The following GPAM variants were observed in gnomAD, a reference collection of about 807,000 sequenced individuals.
GPAM encodes glycerol-3-phosphate acyltransferase, mitochondrial.
GPAM carries 56 observed loss-of-function variants against 105.0 expected under a neutral mutation model. That is an observed-to-expected ratio of 0.53 (90% CI 0.43 to 0.67). The LOEUF is 0.67. Among genes scored for constraint, GPAM ranks in the 30% least tolerant of loss-of-function variants. The probability of loss-of-function intolerance (pLI) is 0.00; values close to 1 mark genes in which losing one functional copy is unlikely to be tolerated. For synonymous variants in GPAM, 368 were observed against 354.4 expected, an observed-to-expected ratio of 1.04 and a Z score of -0.43; for missense variants, 855 against 989.8, an observed-to-expected ratio of 0.86 and a Z score of 1.83.
chr10:112,166,729 T>A (rs942273875), intron 11 of GPAM, among the ~76,000 whole-genome samples: 1 of 152,220 alleles, frequency 6.6e-6, no homozygotes, highest in Non-Finnish European at 1.5e-5. Context: ...GAGATGGAAT[T>A]CAGTCAATGA....
intron 15 of GPAM, among the ~76,000 whole-genome samples, chr10:112,161,388 A>C (rs1349129864): frequency 6.6e-6 from 1 of 152,204 alleles, no homozygotes; most frequent in African/African-American, 2.4e-5. Flanking sequence ...AATATATACC[A>C]CATGTTAATG....
chr10:112,157,105 A>T, intron 19 of GPAM, 144 bp downstream of exon 19: 2 of 781,640 alleles, frequency 2.6e-6, no homozygotes, highest in Admixed American at 1.9e-5. Context: ...AAACAGTTTG[A>T]GTGTCTTTAC....
At position 112,164,526 on chromosome 10, in the gene GPAM, T is replaced by G; in HGVS notation, c.1306A>C (p.Arg436=). 1 of 1,519,094 alleles carries G rather than the reference T, an allele frequency of 6.6e-7. No individual in the cohort carries two copies. Among genetic ancestry groups the G allele is most frequent in the African/African-American group, 1.4e-5 (1 of 73,168 alleles). 94.1% of individuals were successfully genotyped at this position (1,519,094 alleles called of 1,614,324 possible). A position where few individuals can be genotyped will look rare whatever the true frequency, so the allele number is the denominator to read the frequency against. Residue 436 remains arginine, a splice_region_variant and synonymous_variant, in exon 13 of 22, where the codon AGA becomes CGA. Coordinates refer to ENST00000348367, the MANE Select transcript of GPAM (RefSeq NM_001244949.2). ...ATTAAACAATTCTACAAATTTTACC[T>G]TGAAGGAAGTATAGCTGGTAACAAC... The part of the protein sequence containing the change: ...QALLPAILPS[R]PSDAADEGRD...
In GPAM at chr10:112,155,848, T is replaced by C. The variant is rs1401104311; in HGVS notation, c.2311+16A>G. 7.2e-7 allele frequency: 1 copy of C among 1,387,532 alleles called. No homozygotes were observed. The highest frequency in any genetic ancestry group is 2.3e-5 in the East Asian group (1 of 43,478). The allele number at this position is 1,387,532 out of a possible 1,614,324, so 86.0% of individuals were successfully genotyped here. A position where few individuals can be genotyped will look rare whatever the true frequency, so the allele number is the denominator to read the frequency against. ...AAAAAAAAGATTTTAAAAGAATAAA[T>C]AGTGACTTAACATACCATATACTGC... On this transcript the variant is annotated intron_variant, in intron 20 of 21. Coordinates refer to ENST00000348367, the MANE Select transcript of GPAM (RefSeq NM_001244949.2).
At chr10:112,186,816 G>T (rs1204005544), upstream of GPAM, among the ~76,000 whole-genome samples, 6 of 152,134 alleles carry the variant, frequency 3.9e-5, no homozygotes, top group African/African-American at 7.2e-5. Context: ...CTCCCAAAGT[G>T]CTGGGATTAT....
chr10:112,217,904 C>A (rs1847986544), upstream of GPAM, among the ~76,000 whole-genome samples: 1 of 152,140 alleles, frequency 6.6e-6, no homozygotes, highest in Admixed American at 6.5e-5. Flanking sequence ...GGCTTCCTAG[C>A]TGTTTAGATC....
intron 20 of GPAM, 148 bp downstream of exon 20, chr10:112,155,716 A>T: frequency 1.7e-6 from 1 of 602,646 alleles, no homozygotes; most frequent in East Asian, 2.9e-5. Flanking sequence ...TTCAACTTAT[A>T]TAACATGCCA....
intron 1 of GPAM, among the ~76,000 whole-genome samples, chr10:112,210,725 G>C (rs1847901862): frequency 6.6e-6 from 1 of 152,178 alleles, no homozygotes; most frequent in African/African-American, 2.4e-5. Context: ...TGCAAACTTA[G>C]CCTCCCCACC....
At chr10:112,158,418 T>C in intron 17 of GPAM, 25 bp from the exon 18 acceptor site, 1 of 1,383,446 alleles carries the variant, frequency 7.2e-7, no homozygotes, top group Non-Finnish European at 1.0e-6. Flanking sequence ...CATTTAAATA[T>C]AAATGCCACC....
intron 4 of GPAM, among the ~76,000 whole-genome samples, chr10:112,178,529 G>A (rs567130150): frequency 1.6e-4 from 24 of 151,568 alleles, no homozygotes; most frequent in South Asian, 4.2e-4. Context: ...CAGCCTGGGC[G>A]ACAAAGCAAG....
In GPAM at chr10:112,155,478, T is replaced by C. The variant is rs1210521155; in HGVS notation, c.2311+386A>G. 1.7e-5 allele frequency: 4 copies of C among 237,652 alleles called. No homozygotes were observed. The Admixed American group carries it at 2.1e-4, about 13-fold the overall frequency. The allele number at this position is 237,652 out of a possible 1,614,324, so 14.7% of individuals were successfully genotyped here. Reference sequence around the variant, plus strand: ...ATGCTGTATATAGGGGCACAGATATTCACCAAAAGACATATTCAAATATGC... The same window carrying C: ...ATGCTGTATATAGGGGCACAGATATCCACCAAAAGACATATTCAAATATGC... On this transcript the variant is annotated intron_variant, in intron 20 of 21. Coordinates refer to ENST00000348367, the MANE Select transcript of GPAM (RefSeq NM_001244949.2).
chr10:112,180,766 T>A (rs1311910409), intron 3 of GPAM, among the ~76,000 whole-genome samples, 171 bp from the exon 4 acceptor site: 4 of 152,186 alleles, frequency 2.6e-5, no homozygotes, highest in Admixed American at 2.6e-4. Flanking sequence ...GCTTACCACA[T>A]AAGCAAAAGC....
intron 17 of GPAM, 54 bp from the exon 18 acceptor site, chr10:112,158,447 T>A: frequency 8.9e-7 from 1 of 1,119,536 alleles, no homozygotes. Context: ...CTTCTTTTTT[T>A]AAACGCAGAA....
chr10:112,155,702 A>C (rs1847004254), intron 20 of GPAM, 162 bp downstream of exon 20: 4 of 583,106 alleles, frequency 6.9e-6, no homozygotes, highest in Non-Finnish European at 9.1e-6. Flanking sequence ...GTATAACTGT[A>C]TCATTCAACT....
Position 112,163,638 on chromosome 10 carries a change from T to C in GPAM, c.1423+63A>G, listed in dbSNP as rs1406098991. On this transcript the variant is annotated intron_variant, in intron 14 of 21. Transcript: ENST00000348367. ...ACCTCAGCAGATTCCAAAATCTGTATAGTTTGCACCATACCATGATGAATC... is the reference window on the plus strand; with the variant it reads ...ACCTCAGCAGATTCCAAAATCTGTACAGTTTGCACCATACCATGATGAATC... 4.8e-6 allele frequency: 4 copies of C among 835,796 alleles called. No individual in the cohort carries two copies. The African/African-American group carries it at 5.0e-5, about 10-fold the overall frequency. 51.8% of individuals were successfully genotyped at this position (835,796 alleles called of 1,614,324 possible). A position where few individuals can be genotyped will look rare whatever the true frequency, so the allele number is the denominator to read the frequency against.
At chr10:112,184,744 T>C (rs917043715), upstream of GPAM, among the ~76,000 whole-genome samples, 6 of 151,964 alleles carry the variant, frequency 3.9e-5, no homozygotes, top group African/African-American at 1.5e-4. Flanking sequence ...ACTCCCTGAG[T>C]TGAAGAGATA....
chr10:112,181,765 G>A lies in GPAM; in HGVS notation c.20C>T (p.Thr7Ile). The part of the protein sequence containing the change: MDESAL[T>I]LGTIDVSYLP... ...ATAAGAAACATCTATTGTACCAAGG[G>A]TCAGTGCAGATTCATCCATGTCACA... The change falls in exon 3 of 22, where the codon ACC becomes ATC. Residue 7 changes from threonine to isoleucine, a missense_variant. Coordinates refer to ENST00000348367, the MANE Select transcript of GPAM (RefSeq NM_001244949.2). 6 of 1,602,620 alleles carry A rather than the reference G, an allele frequency of 3.7e-6. No individual in the cohort carries two copies. The highest frequency in any genetic ancestry group is 5.1e-6 in the Non-Finnish European group (6 of 1,169,758).
intron 1 of GPAM, among the ~76,000 whole-genome samples, chr10:112,211,134 C>A (rs745373918): frequency 3.3e-5 from 5 of 152,070 alleles, no homozygotes; most frequent in Admixed American, 2.0e-4. Flanking sequence ...GGAGTGAATA[C>A]TGGGATCCAG....
rs988584689 is a variant in GPAM, at chr10:112,166,153, T to TA, written c.1221+248dup. 1.5e-4 allele frequency among the ~76,000 whole-genome samples: 23 copies of TA among 151,686 alleles called. No homozygotes were observed. In the East Asian group the frequency reaches 1.9e-3, roughly 13 times the overall value. The stretch of plus-strand genomic sequence containing the variant: ...TTGTTCCCCTTAGATGGTCATGAAT[T>TA]AAAAAAAAATAATAATAGCAATAAA... On this transcript the variant is annotated intron_variant, in intron 12 of 21. Transcript: ENST00000348367.
Sources: allele counts gnomAD v4.1 joint callset (sites outside exome capture counted in the v4.1 genomes callset), GRCh38; gene constraint gnomAD v4.1.1; transcripts MANE v1.5; gene names NCBI Gene and HGNC (gene_info 2026-07-23, HGNC 2026-07-21).